Variants in BICC1 observed in about 807,000 individuals in gnomAD.
BICC1 encodes the protein BicC family RNA binding protein 1.
BICC1 carries 43 observed loss-of-function variants against 111.0 expected under a neutral mutation model. That is an observed-to-expected ratio of 0.39 (90% CI 0.30 to 0.50). BICC1 has a LOEUF of 0.50. BICC1 is among the 20% of genes least tolerant of loss of function. BICC1 has a pLI of 0.88. For synonymous variants in BICC1, 467 were observed against 434.4 expected (o/e 1.07, Z -0.93); for missense variants, 1,091 against 1,203.2 (o/e 0.91, Z 1.38).
chr10:58,824,567 A>G lies in BICC1; in HGVS notation c.2794+4099A>G, dbSNP rs187731409. On this transcript the variant is annotated intron_variant, in intron 20 of 20. Transcript: ENST00000373886. ...TGTGTCTGGTCATATGGTCATCCTT[A>G]ACACCATGCAGTCTGTTACAACCTG... 5.3e-5 allele frequency among the ~76,000 whole-genome samples: 8 copies of G among 152,216 alleles called. No homozygotes were observed. The East Asian group carries it at 1.5e-3, about 29-fold the overall frequency.
chr10:58,629,307 G>A (rs1043183477), intron 2 of BICC1, among the ~76,000 whole-genome samples: 1 of 87,190 alleles, frequency 1.1e-5, no homozygotes, highest in African/African-American at 4.2e-5. Flanking sequence ...GGTCTAAATA[G>A]TCGTAGATTG....
intron 18 of BICC1, among the ~76,000 whole-genome samples, chr10:58,815,223 A>G (rs1431889009): frequency 2.6e-5 from 4 of 152,322 alleles, no homozygotes; most frequent in East Asian, 1.9e-4. Context: ...TTACGTTACT[A>G]TCACTCATGT....
chr10:58,682,389 A>C (rs1000874650), intron 2 of BICC1, among the ~76,000 whole-genome samples: 1 of 151,450 alleles, frequency 6.6e-6, no homozygotes, highest in African/African-American at 2.4e-5. Context: ...ACCTAGTAAT[A>C]GGATGGCTGG....
intron 3 of BICC1, among the ~76,000 whole-genome samples, chr10:58,753,976 A>G (rs1002086859): frequency 1.3e-5 from 2 of 152,114 alleles, no homozygotes; most frequent in African/African-American, 4.8e-5. Context: ...ATAGGACTTA[A>G]TTTTTGTGTT....
chr10:58,585,678 G>A (rs1423325194), intron 1 of BICC1, among the ~76,000 whole-genome samples: 1 of 152,134 alleles, frequency 6.6e-6, no homozygotes, highest in African/African-American at 2.4e-5. Context: ...AAGCACTGTG[G>A]TGAAGTGTGC....
intron 1 of BICC1, among the ~76,000 whole-genome samples, chr10:58,517,773 C>G (rs1156613735): frequency 2.0e-5 from 3 of 152,106 alleles, no homozygotes; most frequent in Non-Finnish European, 4.4e-5. Flanking sequence ...GTACTTACCT[C>G]CTGAGGTAGT....
intron 1 of BICC1, among the ~76,000 whole-genome samples, chr10:58,604,912 A>T (rs11006203): frequency 0.29 from 43,311 of 151,930 alleles, 6,487 homozygotes; most frequent in East Asian, 0.45. Flanking sequence ...GATCAGAGAC[A>T]GTGCCTTCTA....
chr10:58,706,892 G>T (rs1022761018), intron 3 of BICC1, among the ~76,000 whole-genome samples: 11 of 20,076 alleles, frequency 5.5e-4, no homozygotes, highest in African/African-American at 8.6e-4. Context: ...GACTAATACA[G>T]TGAGTAAAAA....
intron 2 of BICC1, among the ~76,000 whole-genome samples, chr10:58,662,378 A>G (rs1838871338): frequency 6.6e-6 from 1 of 152,222 alleles, no homozygotes; most frequent in African/African-American, 2.4e-5. Flanking sequence ...AGGGTTTTCC[A>G]CCCATGATGA....
intron 2 of BICC1, among the ~76,000 whole-genome samples, chr10:58,673,681 GC>G (rs1332679465): frequency 6.6e-6 from 1 of 152,018 alleles, no homozygotes; most frequent in East Asian, 1.9e-4. Flanking sequence ...GAGTGCAGTG[GC>G]ACGATCTTAG....
chr10:58,601,173 T>TAAAA lies in BICC1; in HGVS notation c.191-19682_191-19681insAAAA, dbSNP rs752405472. 1.8e-4 allele frequency among the ~76,000 whole-genome samples: 24 copies of TAAAA among 131,084 alleles called. 1 individual carries two copies. The highest frequency in any genetic ancestry group is 4.6e-3 in the Middle Eastern group (1 of 216). The allele number at this position is 131,084 out of a possible 152,430, so 86.0% of individuals were successfully genotyped here. ...ATATATATATATATATATATATATC[T>TAAAA]CCCAATAAAATTTGGAAAATAAAAA... On this transcript the variant is annotated intron_variant, in intron 1 of 20. Transcript: ENST00000373886.
chr10:58,623,010 C>T (rs1273274443), intron 2 of BICC1, among the ~76,000 whole-genome samples: 1 of 152,142 alleles, frequency 6.6e-6, no homozygotes, highest in African/African-American at 2.4e-5. Flanking sequence ...CTCTCTTTAG[C>T]TGAGTTTAAA....
At chr10:58,744,091 T>C (rs1841755205) in intron 3 of BICC1, among the ~76,000 whole-genome samples, 1 of 152,160 alleles carries the variant, frequency 6.6e-6, no homozygotes, top group Admixed American at 6.5e-5. Context: ...TCAAAATCAT[T>C]GTTGAGCTTA....
intron 2 of BICC1, among the ~76,000 whole-genome samples, chr10:58,672,606 T>G (rs2132328231): frequency 6.6e-6 from 1 of 152,298 alleles, no homozygotes; most frequent in Non-Finnish European, 1.5e-5. Flanking sequence ...TATCGGCAAG[T>G]GGTGTTTGAC....
intron 3 of BICC1, among the ~76,000 whole-genome samples, chr10:58,738,161 A>T (rs879099366): frequency 6.6e-6 from 1 of 152,074 alleles, no homozygotes; most frequent in Non-Finnish European, 1.5e-5. Flanking sequence ...GAAGTCCTTG[A>T]CCATGCCTGT....
intron 3 of BICC1, among the ~76,000 whole-genome samples, chr10:58,773,792 C>G (rs1384763235): frequency 6.6e-6 from 1 of 152,204 alleles, no homozygotes; most frequent in African/African-American, 2.4e-5. Flanking sequence ...CCTGGTGAAA[C>G]TATTTGTTAC....
chr10:58,788,566 A>G (rs1332683546), intron 6 of BICC1, 143 bp downstream of exon 6: 6 of 541,826 alleles, frequency 1.1e-5, no homozygotes, highest in South Asian at 3.0e-5. Flanking sequence ...TTTAGTGTCT[A>G]TCTTAGCATT....
At chr10:58,668,630 CAG>C (rs1286977182) in intron 2 of BICC1, among the ~76,000 whole-genome samples, 2 of 152,038 alleles carry the variant, frequency 1.3e-5, no homozygotes, top group Non-Finnish European at 2.9e-5. Flanking sequence ...TTATTGATAA[CAG>C]AGAGTTCTGG....
intron 1 of BICC1, among the ~76,000 whole-genome samples, chr10:58,517,336 G>GT (rs1373446416): frequency 6.6e-6 from 1 of 152,168 alleles, no homozygotes; most frequent in African/African-American, 2.4e-5. Context: ...GCTCGGTTGA[G>GT]TAGCAGAGTT....
Sources: allele counts gnomAD v4.1 joint callset (sites outside exome capture counted in the v4.1 genomes callset), GRCh38; gene constraint gnomAD v4.1.1; transcripts MANE v1.5; gene names NCBI Gene and HGNC (gene_info 2026-07-23, HGNC 2026-07-21).